The following LGSN variants were observed in gnomAD, a reference collection of about 807,000 sequenced individuals.
LGSN encodes the protein lengsin, lens protein with glutamine synthetase domain.
A neutral mutation model predicts 19.5 loss-of-function variants in LGSN; 21 were observed. That is an observed-to-expected ratio of 1.07 (90% CI 0.76 to 1.55). The LOEUF is 1.55. Ranked by LOEUF, LGSN falls within the 40% of genes most tolerant of loss-of-function variation. The pLI is 0.00. For missense variants in LGSN, 673 were observed against 608.5 expected (o/e 1.11, Z -1.12); for synonymous variants, 257 against 215.6 (o/e 1.19, Z -1.68).
chr6:63,362,402 C>A, the LGSN span, among the ~76,000 whole-genome samples: 1 of 152,306 alleles, frequency 6.6e-6, no homozygotes, highest in African/African-American at 2.4e-5. Flanking sequence ...CGGGGCATCG[C>A]CTCACTCCAG....
the LGSN span, among the ~76,000 whole-genome samples, chr6:63,380,272 C>T: frequency 2.0e-5 from 3 of 152,244 alleles, no homozygotes; most frequent in Admixed American, 1.3e-4. Context: ...GAGACCTTGT[C>T]TTCCTCCTGT....
chr6:63,452,991 T>C, the LGSN span, among the ~76,000 whole-genome samples: 1 of 152,176 alleles, frequency 6.6e-6, no homozygotes, highest in Non-Finnish European at 1.5e-5. Context: ...GGTTTTGTTT[T>C]CATTTGGTTT....
At chr6:63,405,707 C>T in the LGSN span, among the ~76,000 whole-genome samples, 9 of 152,244 alleles carry the variant, frequency 5.9e-5, no homozygotes, top group South Asian at 1.9e-3. Flanking sequence ...GGACTAAATG[C>T]TCCAATTAAA....
At chr6:63,284,882 G>C (rs553432847) in intron 3 of LGSN, among the ~76,000 whole-genome samples, 1 of 152,142 alleles carries the variant, frequency 6.6e-6, no homozygotes, top group African/African-American at 2.4e-5. Flanking sequence ...TGATAAAAGT[G>C]TAATATTTTT....
At chr6:63,529,214 T>TGTGTGTATATATATATATG in the LGSN span, among the ~76,000 whole-genome samples, 8 of 149,242 alleles carry the variant, frequency 5.4e-5, no homozygotes, top group African/African-American at 2.0e-4. Flanking sequence ...TGTATATATA[T>TGTGTGTATATATATATATG]TTGCTAATAA....
At chr6:63,291,249 CTGT>C (rs1220125577) in intron 2 of LGSN, among the ~76,000 whole-genome samples, 1 of 152,150 alleles carries the variant, frequency 6.6e-6, no homozygotes, top group African/African-American at 2.4e-5. Flanking sequence ...CCACGGACGG[CTGT>C]TAACCAGCTC....
At chr6:63,452,953 G>T in the LGSN span, among the ~76,000 whole-genome samples, 1 of 151,918 alleles carries the variant, frequency 6.6e-6, no homozygotes, top group Non-Finnish European at 1.5e-5. Context: ...ACCAAGTGCT[G>T]TTTGGGTCAC....
chr6:63,289,626 TA>T (rs5876852), intron 2 of LGSN, among the ~76,000 whole-genome samples: 32,630 of 145,878 alleles, frequency 0.22, 3,816 homozygotes, highest in Admixed American at 0.32. Context: ...AAGAAAATAT[TA>T]AAAAAAAAAA....
chr6:63,445,919 A>G, the LGSN span, among the ~76,000 whole-genome samples: 1 of 151,822 alleles, frequency 6.6e-6, no homozygotes, highest in South Asian at 2.1e-4. Context: ...CCATCATCAC[A>G]CTCCAAGTAA....
the LGSN span, among the ~76,000 whole-genome samples, chr6:63,375,173 A>G: frequency 6.6e-6 from 1 of 152,144 alleles, no homozygotes; most frequent in Non-Finnish European, 1.5e-5. Flanking sequence ...TGACTGAGAG[A>G]TACAAATTCT....
chr6:63,316,295 G>T (rs1768852452), intron 1 of LGSN, among the ~76,000 whole-genome samples: 3 of 152,112 alleles, frequency 2.0e-5, no homozygotes. Flanking sequence ...TGATATAGCT[G>T]CTCCCATATG....
At chr6:63,515,508 G>A in the LGSN span, among the ~76,000 whole-genome samples, 35 of 152,148 alleles carry the variant, frequency 2.3e-4, no homozygotes, top group Non-Finnish European at 3.7e-4. Flanking sequence ...TGAGATTATA[G>A]GCGTGAGCCA....
At chr6:63,420,360 C>T in the LGSN span, among the ~76,000 whole-genome samples, 17 of 152,190 alleles carry the variant, frequency 1.1e-4, no homozygotes, top group African/African-American at 3.9e-4. Flanking sequence ...AACTGATATG[C>T]CATTCCATGG....
At position 63,280,850 on chromosome 6, in the gene LGSN, T is replaced by C. The variant is rs1270896309; in HGVS notation, c.701A>G (p.Asn234Ser). Residue 234 changes from asparagine (N) to serine (S), a missense_variant, in exon 4 of 4, where the codon AAC (asparagine) becomes AGC (serine). By Grantham distance (46) the Asn-to-Ser change is conservative. Coordinates refer to ENST00000370657, the MANE Select transcript of LGSN (RefSeq NM_016571.3). ...TTCCTGCATGAAGGGCTGATCATGG[T>C]TATTTAAAAATGTTAAAGCAGGAAA... ...ISFPALTFLN[N>S]HDQPFMQELV... is the part of the protein sequence containing the mutation. 1.9e-6 allele frequency: 3 copies of C among 1,614,036 alleles called. No homozygotes were observed. Among genetic ancestry groups the C allele is most frequent in the Non-Finnish European group, 1.7e-6 (2 of 1,180,006 alleles).
chr6:63,339,204 C>CA, the LGSN span, among the ~76,000 whole-genome samples: 2 of 152,056 alleles, frequency 1.3e-5, no homozygotes, highest in Non-Finnish European at 2.9e-5. Flanking sequence ...GTCTATAATG[C>CA]AGATTAAGTC....
the LGSN span, among the ~76,000 whole-genome samples, chr6:63,445,368 A>G: frequency 6.6e-6 from 1 of 152,156 alleles, no homozygotes; most frequent in African/African-American, 2.4e-5. Context: ...CTGTAATCTC[A>G]GCACTTTGGG....
At chr6:63,490,700 A>G in the LGSN span, among the ~76,000 whole-genome samples, 1 of 152,014 alleles carries the variant, frequency 6.6e-6, no homozygotes, top group African/African-American at 2.4e-5. Context: ...CAGTCTCCCA[A>G]GTAGCTGGGA....
the LGSN span, among the ~76,000 whole-genome samples, chr6:63,355,765 G>T: frequency 6.6e-6 from 1 of 152,168 alleles, no homozygotes; most frequent in Non-Finnish European, 1.5e-5. Flanking sequence ...CACAACCTCT[G>T]CCTCCCAGGT....
chr6:63,505,671 TTTG>T, the LGSN span, among the ~76,000 whole-genome samples: 2 of 151,128 alleles, frequency 1.3e-5, no homozygotes, highest in Non-Finnish European at 2.9e-5. Flanking sequence ...TTTGTTTTGT[TTTG>T]TTTTGTTTTT....
Sources: allele counts gnomAD v4.1 joint callset (sites outside exome capture counted in the v4.1 genomes callset), GRCh38; gene constraint gnomAD v4.1.1; transcripts MANE v1.5; gene names NCBI Gene and HGNC (gene_info 2026-07-23, HGNC 2026-07-21).